The following FREM2 variants were observed in gnomAD, a reference collection of about 807,000 sequenced individuals.
FREM2 encodes FRAS1-related extracellular matrix protein 2.
FREM2 carries 119 observed loss-of-function variants against 219.9 expected under a neutral mutation model. That is an observed-to-expected ratio of 0.54 (90% CI 0.47 to 0.63). The LOEUF (loss-of-function observed/expected upper bound fraction) is 0.63, where lower values mean the gene tolerates loss of function less well. Ranked by LOEUF, FREM2 falls within the 30% of genes least tolerant of loss-of-function variation. FREM2 has a pLI of 0.00. For missense variants in FREM2, 4,030 were observed against 3,993.6 expected (o/e 1.01, Z -0.25); for synonymous variants, 1,562 against 1,522.8 (o/e 1.03, Z -0.60).
chr13:38,689,863 A>C lies in FREM2; in HGVS notation c.2519A>C (p.Gln840Pro). The change falls in exon 1 of 24, where the codon CAG (glutamine) becomes CCG (proline). Residue 840 changes from glutamine (Q) to proline (P), a missense_variant. Gln to Pro is a moderately conservative substitution (Grantham distance 76, BLOSUM62 -1). Coordinates refer to ENST00000280481, the MANE Select transcript of FREM2 (RefSeq NM_207361.6). ...ATCCTCAACACCGGCTTCACTATTCAGGAGAAGGGTCACCACATCCTGAGT... is the reference window on the plus strand; with the variant it reads ...ATCCTCAACACCGGCTTCACTATTCCGGAGAAGGGTCACCACATCCTGAGT... ...PEILNTGFTI[Q>P]EKGHHILSET... The C allele has an allele frequency of 6.2e-7, 1 of 1,614,130 alleles. No individual in the cohort carries two copies. Among genetic ancestry groups the C allele is most frequent in the Non-Finnish European group, 8.5e-7 (1 of 1,180,040 alleles).
chr13:38,813,563 CTATATATATA>C (rs71074484), intron 6 of FREM2, among the ~76,000 whole-genome samples: 3 of 5,100 alleles, frequency 5.9e-4, no homozygotes, highest in African/African-American at 8.1e-4. Flanking sequence ...CTCTCTCTCT[CTATATATATA>C]TATATATATA....
At chr13:38,865,004 A>G (rs1425432181) in intron 16 of FREM2, among the ~76,000 whole-genome samples, 1 of 152,068 alleles carries the variant, frequency 6.6e-6, no homozygotes, top group Non-Finnish European at 1.5e-5. Flanking sequence ...AGGTTTTACA[A>G]TCCTGGGAGT....
intron 6 of FREM2, among the ~76,000 whole-genome samples, chr13:38,810,227 GT>G (rs200061474): frequency 3.4e-4 from 48 of 141,252 alleles, no homozygotes; most frequent in African/African-American, 1.2e-3. Context: ...GAATTTTTAG[GT>G]TTTTTTTCTG....
intron 6 of FREM2, among the ~76,000 whole-genome samples, chr13:38,826,802 C>T (rs1876305530): frequency 6.6e-6 from 1 of 152,044 alleles, no homozygotes; most frequent in African/African-American, 2.4e-5. Flanking sequence ...ATAAAATGTA[C>T]ATATGTGACT....
chr13:38,786,750 G>GA (rs1357834892), intron 6 of FREM2, among the ~76,000 whole-genome samples: 1 of 151,940 alleles, frequency 6.6e-6, no homozygotes, highest in Non-Finnish European at 1.5e-5. Flanking sequence ...TAAAAGTACA[G>GA]AAAAAAACAT....
intron 6 of FREM2, among the ~76,000 whole-genome samples, chr13:38,840,745 C>T (rs61947984): frequency 0.14 from 21,418 of 151,166 alleles, 1,747 homozygotes; most frequent in Admixed American, 0.24. Flanking sequence ...CACACACACA[C>T]ATACATATAT....
chr13:38,784,604 T>C lies in FREM2; in HGVS notation c.5815T>C (p.Tyr1939His), dbSNP rs1874249015. Reference sequence around the variant, plus strand: ...GACTTCCGTGTTGTCTTACTCTGATTACATATCCAGGCCTGAGGACCACAC... The same window carrying C: ...GACTTCCGTGTTGTCTTACTCTGATCACATATCCAGGCCTGAGGACCACAC... ...VPTSVLSYSD[Y>H]ISRPEDHTSV... Residue 1939 changes from tyrosine to histidine, a missense_variant, in exon 6 of 24, where the codon TAC becomes CAC. Tyr to His is a moderately conservative substitution (Grantham distance 83, BLOSUM62 2). Around this residue, in one of 2 missense-constraint regions of FREM2, gnomAD observed 3,102 missense variants for 2,950.7 expected, o/e 1.05. Transcript: ENST00000280481. 6.2e-7 allele frequency: 1 copy of C among 1,614,220 alleles called. No homozygotes were observed. Among genetic ancestry groups the C allele is most frequent in the East Asian group, 2.2e-5 (1 of 44,878 alleles).
chr13:38,819,538 T>C (rs1371641233), intron 6 of FREM2, among the ~76,000 whole-genome samples: 1 of 152,138 alleles, frequency 6.6e-6, no homozygotes, highest in Non-Finnish European at 1.5e-5. Context: ...AGATATGTAG[T>C]CTGCTAGAGT....
intron 6 of FREM2, among the ~76,000 whole-genome samples, chr13:38,828,585 C>T (rs1233431052): frequency 6.6e-6 from 1 of 151,946 alleles, no homozygotes; most frequent in African/African-American, 2.4e-5. Context: ...GTGTTGTGTA[C>T]CTGTAATCCT....
At chr13:38,826,888 A>G (rs1876309141) in intron 6 of FREM2, among the ~76,000 whole-genome samples, 2 of 152,048 alleles carry the variant, frequency 1.3e-5, no homozygotes, top group Admixed American at 1.3e-4. Flanking sequence ...ATCTCATTTT[A>G]TTTCCCTCTT....
At chr13:38,751,270 A>G (rs1872749167) in intron 2 of FREM2, among the ~76,000 whole-genome samples, 1 of 149,368 alleles carries the variant, frequency 6.7e-6, no homozygotes, top group Non-Finnish European at 1.5e-5. Context: ...TCAACAGTGT[A>G]CAGCAATTCC....
At chr13:38,792,407 T>C (rs1874598749) in intron 6 of FREM2, among the ~76,000 whole-genome samples, 1 of 152,112 alleles carries the variant, frequency 6.6e-6, no homozygotes, top group Non-Finnish European at 1.5e-5. Context: ...GTCTCTGGAG[T>C]GTATACAATT....
Position 38,687,828 on chromosome 13 carries a change from G to A in FREM2, c.484G>A (p.Gly162Arg), listed in dbSNP as rs1174717651. 6.5e-7 allele frequency: 1 copy of A among 1,544,542 alleles called. No homozygotes were observed. Among genetic ancestry groups the A allele is most frequent in the African/African-American group, 1.4e-5 (1 of 73,594 alleles). ...GCAGCTGCGCTATGACGCGCCCGGAGGGGCAGTAGTGCTACCACTGGTACT... is the reference window on the plus strand; with the variant it reads ...GCAGCTGCGCTATGACGCGCCCGGAAGGGCAGTAGTGCTACCACTGGTACT... ...RLQLRYDAPG[G>R]AVVLPLVLEV... Residue 162 changes from glycine to arginine, a missense_variant, in exon 1 of 24, where the codon GGG becomes AGG. Gly to Arg is a moderately radical substitution (Grantham distance 125). Coordinates refer to ENST00000280481, the MANE Select transcript of FREM2 (RefSeq NM_207361.6).
chr13:38,811,570 C>T (rs369152593), intron 6 of FREM2, among the ~76,000 whole-genome samples: 44 of 151,960 alleles, frequency 2.9e-4, no homozygotes, highest in South Asian at 6.2e-4. Flanking sequence ...CTGGTCATTC[C>T]GGAGCATATT....
chr13:38,853,049 C>T (rs941655139), intron 11 of FREM2, among the ~76,000 whole-genome samples: 6 of 151,896 alleles, frequency 4.0e-5, no homozygotes, highest in African/African-American at 1.2e-4. Context: ...CAGTTCTGGC[C>T]GGGTGCGTTG....
At chr13:38,874,334 G>A (rs113020807) in intron 17 of FREM2, 148 bp from the exon 18 acceptor site, 10 of 681,928 alleles carry the variant, frequency 1.5e-5, no homozygotes, top group African/African-American at 7.1e-5. Flanking sequence ...AGATACTTCT[G>A]CCTCTGTTAT....
At chr13:38,810,171 G>A (rs182113092) in intron 6 of FREM2, among the ~76,000 whole-genome samples, 243 of 151,942 alleles carry the variant, frequency 1.6e-3, no homozygotes, top group Non-Finnish European at 1.8e-3. Flanking sequence ...TGTTGATTTT[G>A]TATCCTGCAA....
rs1157379975 is a variant in FREM2, at chr13:38,692,310, C to T, written c.4966C>T (p.Pro1656Ser). 3.7e-6 allele frequency: 6 copies of T among 1,609,406 alleles called. No homozygotes were observed. In the East Asian group the frequency reaches 1.3e-4, roughly 36 times the overall value. Residue 1656 changes from proline (P) to serine (S), a missense_variant, in exon 1 of 24, where the codon CCC becomes TCC. Pro to Ser is a moderately conservative substitution (Grantham distance 74). Around this residue, in one of 2 missense-constraint regions of FREM2, gnomAD observed 3,102 missense variants for 2,950.7 expected, o/e 1.05. Coordinates refer to ENST00000280481, the MANE Select transcript of FREM2 (RefSeq NM_207361.6). ...GGTCTTGGCTGTTGACAACAGTGTCCCCCAAATCGCAGTGAATAAGGGGGC... is the reference window on the plus strand; with the variant it reads ...GGTCTTGGCTGTTGACAACAGTGTCTCCCAAATCGCAGTGAATAAGGGGGC... ...IQVLAVDNSV[P>S]QIAVNKGAST...
chr13:38,882,459 T>C lies in FREM2; in HGVS notation c.*1672T>C, dbSNP rs1878582337. The C allele has an allele frequency of 6.6e-6, 1 of 152,180 alleles. No homozygotes were observed. The allele number at this position is 152,180 out of a possible 1,614,324, so 9.4% of individuals were successfully genotyped here. On this transcript the variant is annotated 3_prime_UTR_variant, in exon 24 of 24. Transcript: ENST00000280481. The stretch of plus-strand genomic sequence containing the variant: ...CAAGATAAGGAAGCAACACTGATAC[T>C]GAGAGAGAGGTCATATGTCCAATAG...
Sources: allele counts gnomAD v4.1 joint callset (sites outside exome capture counted in the v4.1 genomes callset), GRCh38; gene constraint gnomAD v4.1.1; regional missense constraint gnomAD v4.1.1; transcripts MANE v1.5; gene names NCBI Gene and HGNC (gene_info 2026-07-23, HGNC 2026-07-21).